ELAVL2: variants seen among roughly 807,000 people sequenced by gnomAD.
ELAVL2 encodes the protein ELAV like RNA binding protein 2.
ELAVL2 carries 4 observed loss-of-function variants against 34.6 expected under a neutral mutation model. That is an observed-to-expected ratio of 0.12 (90% confidence interval 0.06 to 0.26). ELAVL2 has a LOEUF of 0.26. ELAVL2 is among the 10% of genes least tolerant of loss of function. ELAVL2 has a pLI of 1.00. For synonymous variants in ELAVL2, 193 were observed against 154.8 expected (o/e 1.25, Z -1.83); for missense variants, 432 against 442.8 (o/e 0.98, Z 0.22).
At chr9:23,845,680 C>T in the ELAVL2 span, among the ~76,000 whole-genome samples, 1 of 151,678 alleles carries the variant, frequency 6.6e-6, no homozygotes, top group South Asian at 2.1e-4. Context: ...TCGATGGTTT[C>T]ACTTTATAAA....
chr9:23,760,015 G>A (rs967660320), intron 2 of ELAVL2, among the ~76,000 whole-genome samples: 1 of 151,478 alleles, frequency 6.6e-6, no homozygotes, highest in Non-Finnish European at 1.5e-5. Context: ...TAGTATCTAG[G>A]TATGTATTAA....
intron 1 of ELAVL2, among the ~76,000 whole-genome samples, chr9:23,820,229 C>T (rs959971140): frequency 1.3e-5 from 2 of 152,166 alleles, no homozygotes; most frequent in African/African-American, 2.4e-5. Context: ...CATTACACAG[C>T]AATTGATATT....
intron 3 of ELAVL2, among the ~76,000 whole-genome samples, chr9:23,710,435 A>T (rs1281893459): frequency 6.6e-6 from 1 of 152,232 alleles, no homozygotes; most frequent in Non-Finnish European, 1.5e-5. Flanking sequence ...CTGATTCATC[A>T]ATGGAAAGAT....
chr9:23,781,519 T>A (rs1023881085), intron 1 of ELAVL2, among the ~76,000 whole-genome samples: 1 of 98,106 alleles, frequency 1.0e-5, no homozygotes, highest in South Asian at 3.2e-4. Flanking sequence ...TTTTCTTTCC[T>A]TTTTTTTTTT....
rs146420928 is a variant in ELAVL2 at position 23,770,162 on chromosome 9, A to C, written c.-15-7913T>G. 1.5e-4 allele frequency among the ~76,000 whole-genome samples: 23 copies of C among 152,332 alleles called. 1 individual carries two copies. Among genetic ancestry groups the C allele is most frequent in the African/African-American group, 5.5e-4 (23 of 41,584 alleles). ...TGGATGGTGTGTGCAGAACATATACAAGTATGAACACATAGAAGAAAACAG... is the reference window on the plus strand; with the variant it reads ...TGGATGGTGTGTGCAGAACATATACCAGTATGAACACATAGAAGAAAACAG... On this transcript the variant is annotated intron_variant, in intron 1 of 6. Transcript: ENST00000397312.
intron 1 of ELAVL2, among the ~76,000 whole-genome samples, chr9:23,817,523 T>C (rs1403342664): frequency 6.6e-6 from 1 of 152,142 alleles, no homozygotes; most frequent in Non-Finnish European, 1.5e-5. Flanking sequence ...GTTGCAAAAA[T>C]AGTTATTTTT....
At chr9:23,835,675 T>C in the ELAVL2 span, among the ~76,000 whole-genome samples, 3 of 152,166 alleles carry the variant, frequency 2.0e-5, no homozygotes, top group Admixed American at 6.5e-5. Flanking sequence ...AACTTGCTTA[T>C]GGTTTATAGT....
intron 3 of ELAVL2, among the ~76,000 whole-genome samples, chr9:23,716,385 A>G (rs187422431): frequency 1.4e-3 from 214 of 152,338 alleles, no homozygotes; most frequent in African/African-American, 5.0e-3. Context: ...TCCTTTACAT[A>G]TCCTTCATCC....
intron 1 of ELAVL2, among the ~76,000 whole-genome samples, chr9:23,802,588 AG>A (rs1232226816): frequency 1.6e-4 from 24 of 152,184 alleles, no homozygotes; most frequent in African/African-American, 2.4e-5. Flanking sequence ...CTGCCTTCCA[AG>A]AATCCATTAG....
At chr9:23,726,889 C>A (rs549667197) in intron 3 of ELAVL2, among the ~76,000 whole-genome samples, 2 of 152,012 alleles carry the variant, frequency 1.3e-5, no homozygotes, top group Admixed American at 1.3e-4. Context: ...ACAGTAGGTA[C>A]AACCACTCAC....
At chr9:23,728,101 G>A (rs1278507522) in intron 3 of ELAVL2, among the ~76,000 whole-genome samples, 1 of 151,094 alleles carries the variant, frequency 6.6e-6, no homozygotes, top group South Asian at 2.1e-4. Flanking sequence ...CAACTGCCTG[G>A]TCTTGGCTAA....
intron 1 of ELAVL2, among the ~76,000 whole-genome samples, chr9:23,801,558 CT>C (rs2061570087): frequency 6.6e-6 from 1 of 152,108 alleles, no homozygotes; most frequent in Non-Finnish European, 1.5e-5. Flanking sequence ...CAGAAGTGTC[CT>C]AGCTAAGGGA....
At chr9:23,710,317 G>A (rs956811586) in intron 3 of ELAVL2, among the ~76,000 whole-genome samples, 5 of 152,254 alleles carry the variant, frequency 3.3e-5, no homozygotes, top group African/African-American at 1.2e-4. Flanking sequence ...ACCATCTTAT[G>A]AATTAGTACT....
chr9:23,692,898 T>C lies in ELAVL2; in HGVS notation c.753-14A>G, dbSNP rs1320542291. The C allele has an allele frequency of 1.2e-6, 2 of 1,610,534 alleles. No individual in the cohort carries two copies. The highest frequency in any genetic ancestry group is 2.2e-5 in the East Asian group (1 of 44,780). ...ATTGGAGAAAACCTGCTAAACAGAA[T>C]AGGAAATACACACATACACACAAAA... is the stretch of plus-strand genomic sequence containing the variant. On this transcript the variant is annotated splice_polypyrimidine_tract_variant and intron_variant, in intron 6 of 6. Transcript: ENST00000397312.
At chr9:23,802,579 T>C (rs2061698095) in intron 1 of ELAVL2, among the ~76,000 whole-genome samples, 1 of 152,196 alleles carries the variant, frequency 6.6e-6, no homozygotes, top group African/African-American at 2.4e-5. Context: ...GGCCTAGCCC[T>C]GCCTTCCAAG....
At chr9:23,781,352 A>AAC (rs774057926) in intron 1 of ELAVL2, among the ~76,000 whole-genome samples, 7 of 152,130 alleles carry the variant, frequency 4.6e-5, no homozygotes, top group African/African-American at 1.4e-4. Context: ...GATACACATA[A>AAC]ACACACACAC....
intron 1 of ELAVL2, among the ~76,000 whole-genome samples, chr9:23,796,521 A>G (rs2060947658): frequency 1.3e-5 from 2 of 152,246 alleles, no homozygotes; most frequent in Non-Finnish European, 2.9e-5. Flanking sequence ...ACAGCTTCAC[A>G]CTCTAACGGT....
intron 1 of ELAVL2, among the ~76,000 whole-genome samples, chr9:23,801,968 C>T (rs898522431): frequency 6.6e-5 from 10 of 152,164 alleles, no homozygotes; most frequent in Admixed American, 2.0e-4. Flanking sequence ...CCTAATCTCA[C>T]GACTAATGCG....
intron 5 of ELAVL2, among the ~76,000 whole-genome samples, chr9:23,700,492 T>A (rs1481151296): frequency 6.6e-6 from 1 of 152,184 alleles, no homozygotes; most frequent in East Asian, 1.9e-4. Context: ...AGTGTCTTCT[T>A]TGGGCTAAAG....
Sources: gnomAD v4.1 joint callset for allele counts (sites outside exome capture counted in the v4.1 genomes callset) on GRCh38, gnomAD v4.1.1 for gene constraint, MANE v1.5 for transcripts, NCBI Gene and HGNC (gene_info 2026-07-23, HGNC 2026-07-21) for gene names.